The following ODF2 variants were observed in gnomAD, a reference collection of about 807,000 sequenced individuals.
ODF2 encodes the protein outer dense fiber protein 2.
ODF2 carries 47 observed loss-of-function variants against 110.2 expected under a neutral mutation model. That is an observed-to-expected ratio of 0.43 (90% CI 0.34 to 0.54). The LOEUF (loss-of-function observed/expected upper bound fraction) is 0.54, where lower values mean the gene tolerates loss of function less well. Ranked by LOEUF, ODF2 falls within the 20% of genes least tolerant of loss-of-function variation. The pLI, the probability that ODF2 is intolerant of heterozygous loss-of-function variation, is 0.03. For synonymous variants in ODF2, 352 were observed against 397.7 expected, an observed-to-expected ratio of 0.89 and a Z score of 1.37; for missense variants, 812 against 1,054.5, an observed-to-expected ratio of 0.77 and a Z score of 3.19.
intron 19 of ODF2, 102 bp from the exon 20 acceptor site, chr9:128,498,899 A>G: frequency 1.4e-6 from 2 of 1,448,442 alleles, no homozygotes; most frequent in Non-Finnish European, 1.9e-6. Flanking sequence ...AATGATGTGC[A>G]AGTGCTGTCT....
At chr9:128,455,292 C>G (rs917352512), upstream of ODF2, 1 of 1,467,182 alleles carries the variant, frequency 6.8e-7, no homozygotes, top group Admixed American at 2.0e-5. Flanking sequence ...AGGCTCAAGC[C>G]TGTAATACAA....
At chr9:128,467,333 G>T (rs999968044) in intron 4 of ODF2, among the ~76,000 whole-genome samples, 5 of 151,738 alleles carry the variant, frequency 3.3e-5, no homozygotes, top group Non-Finnish European at 7.4e-5. Flanking sequence ...CGGTGTTTTG[G>T]GACCACTGTC....
intron 13 of ODF2, among the ~76,000 whole-genome samples, chr9:128,486,835 A>G (rs545091693): frequency 6.6e-6 from 1 of 152,326 alleles, no homozygotes; most frequent in East Asian, 1.9e-4. Context: ...CTGGGGGTAC[A>G]AAAGCCCAGG....
chr9:128,492,646 T>C, intron 15 of ODF2, 55 bp from the exon 16 acceptor site: 3 of 1,578,454 alleles, frequency 1.9e-6, no homozygotes, highest in Non-Finnish European at 2.6e-6. Context: ...TGGAAGATGG[T>C]TTTCATCAAA....
At position 128,492,416 on chromosome 9, in the gene ODF2, T is replaced by A. The variant is rs1442781581; in HGVS notation, c.1537-10T>A. 1 of 1,603,790 alleles carries A rather than the reference T, an allele frequency of 6.2e-7. No individual in the cohort carries two copies. On this transcript the variant is annotated splice_polypyrimidine_tract_variant and intron_variant, in intron 14 of 20. Coordinates refer to ENST00000604420, the Ensembl canonical transcript of ODF2. ...CTTCCTGTGGGTTACTCATGAGCCA[T>A]CCCTTCCAGGCCAGCTTTGCTCCAA...
intron 8 of ODF2, among the ~76,000 whole-genome samples, chr9:128,476,180 T>C (rs1841221032): frequency 6.6e-6 from 1 of 152,188 alleles, no homozygotes; most frequent in Non-Finnish European, 1.5e-5. Flanking sequence ...TATTAGCAAA[T>C]ATTGCAGAAA....
At chr9:128,455,833 C>T (rs1834645206), upstream of ODF2, among the ~76,000 whole-genome samples, 1 of 152,084 alleles carries the variant, frequency 6.6e-6, no homozygotes, top group Non-Finnish European at 1.5e-5. Flanking sequence ...GAGGGGAGGG[C>T]GTCGGAACCG....
chr9:128,456,069 C>A (rs1171215281), upstream of ODF2: 4 of 1,519,420 alleles, frequency 2.6e-6, no homozygotes, highest in African/African-American at 4.2e-5. Context: ...CCAAGCGGCT[C>A]CCGGGGGGGT....
chr9:128,493,242 G>A lies in ODF2; in HGVS notation c.1752+437G>A, dbSNP rs139334186. On this transcript the variant is annotated intron_variant, in intron 16 of 20. Transcript: ENST00000604420. Reference sequence around the variant, plus strand: ...CTCTACTAAAAATACAAAATTAGCCGGGTCTGGTGGCGCATGCCTGTAATC... The same window carrying A: ...CTCTACTAAAAATACAAAATTAGCCAGGTCTGGTGGCGCATGCCTGTAATC... Among the ~76,000 whole-genome samples, 111 of 152,136 alleles carry A rather than the reference G, an allele frequency of 7.3e-4. No individual in the cohort carries two copies. In the East Asian group the frequency reaches 0.02, roughly 27 times the overall value.
chr9:128,464,495 G>T lies in ODF2; in HGVS notation c.249+3428G>T, dbSNP rs1837342571. ...AAAAATAAAAAGCCTTGGTAGTTTGGGTTTTTTTGTTTTTGTTTTTTTGAG... is the reference window on the plus strand; with the variant it reads ...AAAAATAAAAAGCCTTGGTAGTTTGTGTTTTTTTGTTTTTGTTTTTTTGAG... On this transcript the variant is annotated intron_variant, in intron 4 of 20. Coordinates refer to ENST00000604420, the Ensembl canonical transcript of ODF2. 2.6e-5 allele frequency among the ~76,000 whole-genome samples: 4 copies of T among 151,126 alleles called. No individual in the cohort carries two copies. The South Asian group carries it at 8.4e-4, about 32-fold the overall frequency.
At chr9:128,458,551 AAGATTTTGGAGCAAAT>A (rs1243311027) in intron 2 of ODF2, among the ~76,000 whole-genome samples, 1 of 150,812 alleles carries the variant, frequency 6.6e-6, no homozygotes, top group African/African-American at 2.4e-5. Flanking sequence ...ATACTGCTGA[AAGATTTTGGAGCAAAT>A]AGACTTTTGC....
chr9:128,456,355 C>G, intron 1 of ODF2, 100 bp downstream of exon 1: 1 of 1,434,492 alleles, frequency 7.0e-7, no homozygotes, highest in Non-Finnish European at 9.1e-7. Context: ...GCGGGGCCGT[C>G]GGGTCCTGGG....
At chr9:128,456,377 G>C in intron 1 of ODF2, 122 bp downstream of exon 1, 1 of 1,427,754 alleles carries the variant, frequency 7.0e-7, no homozygotes, top group Middle Eastern at 2.5e-4. Context: ...TCCCCGCCGC[G>C]TTGCGCTCGT....
Position 128,496,762 on chromosome 9 carries a change from CTG to C in ODF2, c.2012+623_2012+624del, listed in dbSNP as rs546821139. Among the ~76,000 whole-genome samples the C allele has an allele frequency of 3.5e-3, 521 of 148,636 alleles. 2 individuals carry two copies. Among genetic ancestry groups the C allele is most frequent in the African/African-American group, 0.011 (450 of 41,314 alleles). On this transcript the variant is annotated intron_variant, in intron 18 of 20. Coordinates refer to ENST00000604420, the Ensembl canonical transcript of ODF2. Reference sequence around the variant, plus strand: ...TCTATCATCTATCTATCATGTCACTCTGTCACCCAGGCTGGAGTGCAGTGGTG... The same window carrying C: ...TCTATCATCTATCTATCATGTCACTCTCACCCAGGCTGGAGTGCAGTGGTG...
At chr9:128,496,441 A>G in intron 18 of ODF2, 1 of 888,372 alleles carries the variant, frequency 1.1e-6, no homozygotes, top group Non-Finnish European at 1.6e-6. Context: ...CCCAGTTTGA[A>G]TGGAGCAGCC....
chr9:128,474,254 G>A (rs1840733962), intron 8 of ODF2, among the ~76,000 whole-genome samples: 1 of 152,014 alleles, frequency 6.6e-6, no homozygotes, highest in South Asian at 2.1e-4. Flanking sequence ...CAGCACTTTG[G>A]GAGGCCGAGG....
chr9:128,494,918 C>A lies in ODF2; in HGVS notation c.1911+250C>A. On this transcript the variant is annotated intron_variant, in intron 17 of 20. Transcript: ENST00000604420. This position sits in a 1 kb window ranked among gnomAD's most constrained non-coding sequence, Gnocchi z 4.6. ...CACTGGGCCCTCCTGCTGTTGCCCC[C>A]ACCCAAGACTGCTGCCTCTGCCTGT... 8.1e-7 allele frequency: 1 copy of A among 1,235,756 alleles called. No homozygotes were observed. Among genetic ancestry groups the A allele is most frequent in the Non-Finnish European group, 1.1e-6 (1 of 916,672 alleles). The allele number at this position is 1,235,756 out of a possible 1,614,324, so 76.5% of individuals were successfully genotyped here.
intron 3 of ODF2, chr9:128,460,633 A>G: frequency 6.2e-7 from 1 of 1,614,132 alleles, no homozygotes; most frequent in South Asian, 1.1e-5. Context: ...TCCACATAAA[A>G]AAACTCCCGA....
At chr9:128,497,757 G>C (rs1845918792) in intron 18 of ODF2, 1 of 152,052 alleles carries the variant, frequency 6.6e-6, no homozygotes, top group South Asian at 2.1e-4. Flanking sequence ...CAGTGCACTT[G>C]CAAGGAGGCT....
Sources: allele counts gnomAD v4.1 joint callset (sites outside exome capture counted in the v4.1 genomes callset), GRCh38; gene constraint gnomAD v4.1.1; non-coding constraint Gnocchi (gnomAD v3.1); transcripts MANE v1.5; gene names NCBI Gene and HGNC (gene_info 2026-07-23, HGNC 2026-07-21).